Variants in DNM3 observed in about 807,000 individuals in gnomAD.
The protein encoded by DNM3 is dynamin-3.
DNM3 carries 47 observed loss-of-function variants against 101.6 expected under a neutral mutation model. The ratio of observed to expected loss-of-function variants is 0.46; its 90% CI spans 0.37 to 0.59. The LOEUF is 0.59. Among genes scored for constraint, DNM3 ranks in the 20% least tolerant of loss-of-function variants. The pLI is 0.00. For synonymous variants in DNM3, 385 were observed against 387.9 expected, an observed-to-expected ratio of 0.99 and a Z score of 0.09; for missense variants, 849 against 1,085.7, an observed-to-expected ratio of 0.78 and a Z score of 3.06.
intron 17 of DNM3, among the ~76,000 whole-genome samples, chr1:172,377,957 A>G (rs2068699155): frequency 1.3e-5 from 2 of 152,046 alleles, no homozygotes; most frequent in Admixed American, 1.3e-4. Context: ...CAGTAAAGCT[A>G]TTTAGCACAG....
intron 11 of DNM3, among the ~76,000 whole-genome samples, chr1:172,072,436 G>T (rs1404087460): frequency 1.3e-5 from 2 of 152,090 alleles, no homozygotes; most frequent in Admixed American, 6.5e-5. Context: ...AGGTCCCCTT[G>T]TGACTCTCAG....
At chr1:172,338,741 G>T (rs745564775) in intron 17 of DNM3, 2 of 441,968 alleles carry the variant, frequency 4.5e-6, no homozygotes, top group Non-Finnish European at 9.1e-6. Context: ...TTTGTTCAAA[G>T]AAGTCATTAC....
chr1:172,078,983 A>G (rs1487016683), intron 11 of DNM3, among the ~76,000 whole-genome samples: 1 of 152,200 alleles, frequency 6.6e-6, no homozygotes, highest in Non-Finnish European at 1.5e-5. Context: ...CTGCAGATAT[A>G]TCCGCTGTTA....
intron 17 of DNM3, among the ~76,000 whole-genome samples, chr1:172,336,657 CCTT>C (rs2066443993): frequency 6.6e-6 from 1 of 151,262 alleles, no homozygotes; most frequent in Non-Finnish European, 1.5e-5. Flanking sequence ...TTTTCTTTTA[CCTT>C]CTTATTTAAT....
chr1:172,047,406 A>G (rs1324582870), intron 9 of DNM3, among the ~76,000 whole-genome samples: 2 of 152,196 alleles, frequency 1.3e-5, no homozygotes, highest in African/African-American at 2.4e-5. Context: ...TGGGCTTTAA[A>G]GCACAGGTGG....
intron 1 of DNM3, among the ~76,000 whole-genome samples, chr1:171,913,082 C>A (rs1478737262): frequency 2.0e-5 from 3 of 152,160 alleles, no homozygotes; most frequent in Admixed American, 6.5e-5. Context: ...GGGGAGAACA[C>A]TTAGTATTTG....
chr1:171,911,041 G>A (rs1032883272), intron 1 of DNM3, among the ~76,000 whole-genome samples: 7 of 152,038 alleles, frequency 4.6e-5, no homozygotes, highest in Admixed American at 2.6e-4. Context: ...GGAGCCAGCT[G>A]TTCTGGGAAT....
Position 172,389,073 on chromosome 1 carries a change from G to A in DNM3, c.2522+264G>A, listed in dbSNP as rs529273441. On this transcript the variant is annotated intron_variant, in intron 20 of 20. Transcript: ENST00000627582. The stretch of plus-strand genomic sequence containing the variant: ...ACTCCGTCCCAATGAATGACATTTT[G>A]GCAGCTATTGGGAGAATTTGAGGGC... 8.9e-4 allele frequency: 437 copies of A among 488,732 alleles called. 2 individuals carry two copies. The South Asian group carries it at 0.01, about 11-fold the overall frequency. 30.3% of individuals were successfully genotyped at this position (488,732 alleles called of 1,614,324 possible). A position where few individuals can be genotyped will look rare whatever the true frequency, so the allele number is the denominator to read the frequency against.
chr1:172,081,672 T>A (rs2053159488), intron 11 of DNM3, among the ~76,000 whole-genome samples, 160 bp from the exon 12 acceptor site: 1 of 152,208 alleles, frequency 6.6e-6, no homozygotes, highest in African/African-American at 2.4e-5. Context: ...GAGTGCAAAA[T>A]TATGAGTCTA....
At chr1:172,388,912 C>A in intron 20 of DNM3, 103 bp downstream of exon 20, 1 of 1,016,982 alleles carries the variant, frequency 9.8e-7, no homozygotes, top group Non-Finnish European at 1.4e-6. Flanking sequence ...AAGATCTTAT[C>A]GTACGTGTTT....
chr1:172,169,049 T>C lies in DNM3; in HGVS notation c.1659+37761T>C, dbSNP rs182341281. ...AAAATAGTAGTAGTCTTTGGATATA[T>C]ACATTAGCTTTTTTCTTTTGAGCGC... On this transcript the variant is annotated intron_variant, in intron 14 of 20. Coordinates refer to ENST00000627582, the MANE Select transcript of DNM3 (RefSeq NM_015569.5). 7.2e-4 allele frequency among the ~76,000 whole-genome samples: 109 copies of C among 152,060 alleles called. No homozygotes were observed. The East Asian group carries it at 0.014, about 20-fold the overall frequency.
chr1:172,288,310 G>A (rs940173383), intron 15 of DNM3, among the ~76,000 whole-genome samples: 1 of 152,330 alleles, frequency 6.6e-6, no homozygotes. Flanking sequence ...GGGAGAAGGG[G>A]AGATTGTTCC....
At chr1:172,096,028 A>G (rs1367806357) in intron 13 of DNM3, among the ~76,000 whole-genome samples, 1 of 152,174 alleles carries the variant, frequency 6.6e-6, no homozygotes, top group African/African-American at 2.4e-5. Flanking sequence ...CAGGAAGCCC[A>G]CAGCTCAGCG....
intron 1 of DNM3, among the ~76,000 whole-genome samples, chr1:171,884,966 C>T (rs1363554478): frequency 6.6e-6 from 1 of 152,162 alleles, no homozygotes; most frequent in Non-Finnish European, 1.5e-5. Context: ...TCCTTGATGT[C>T]AGGGTTACAT....
In DNM3 at chr1:172,409,390, A is replaced by C. The variant is rs1486993461; in HGVS notation, c.*1549A>C. ...AAGTATAAAGTAAAAACTTTTAACC[A>C]TTATTAAACAGAGAACTTGCCATGT... On this transcript the variant is annotated 3_prime_UTR_variant, in exon 21 of 21. Coordinates refer to ENST00000627582, the MANE Select transcript of DNM3 (RefSeq NM_015569.5). The C allele has an allele frequency of 5.1e-6, 5 of 984,996 alleles. No individual in the cohort carries two copies. Among genetic ancestry groups the C allele is most frequent in the Non-Finnish European group, 6.0e-6 (5 of 829,636 alleles). 61.0% of individuals were successfully genotyped at this position (984,996 alleles called of 1,614,324 possible).
chr1:172,271,591 AT>A (rs1213227253), intron 15 of DNM3, among the ~76,000 whole-genome samples: 3 of 152,140 alleles, frequency 2.0e-5, no homozygotes, highest in African/African-American at 7.2e-5. Context: ...ATGGAAGAGT[AT>A]TTTAATAGCC....
intron 10 of DNM3, among the ~76,000 whole-genome samples, chr1:172,055,332 T>C (rs1234952210): frequency 2.0e-5 from 3 of 152,160 alleles, no homozygotes; most frequent in Non-Finnish European, 2.9e-5. Context: ...CCATTGCTTC[T>C]TTCAGGCCTC....
Position 172,026,565 on chromosome 1 carries a change from G to A in DNM3, c.590-5837G>A, listed in dbSNP as rs539667380. 5.3e-5 allele frequency among the ~76,000 whole-genome samples: 8 copies of A among 152,098 alleles called. No individual in the cohort carries two copies. In the South Asian group the frequency reaches 1.0e-3, roughly 20 times the overall value. ...TTAAGGGTAGCCAGAGAGAAAGATC[G>A]GGTTACACAGAAAAGAGGCCCATCA... is the stretch of plus-strand genomic sequence containing the variant. On this transcript the variant is annotated intron_variant, in intron 4 of 20. Coordinates refer to ENST00000627582, the MANE Select transcript of DNM3 (RefSeq NM_015569.5).
intron 13 of DNM3, among the ~76,000 whole-genome samples, chr1:172,101,619 A>G (rs951056632): frequency 7.2e-5 from 11 of 152,162 alleles, no homozygotes; most frequent in African/African-American, 2.4e-4. Context: ...TGAGGTAGGT[A>G]CCCCTATTAT....
Sources: gnomAD v4.1 joint callset for allele counts (sites outside exome capture counted in the v4.1 genomes callset) on GRCh38, gnomAD v4.1.1 for gene constraint, MANE v1.5 for transcripts, NCBI Gene and HGNC (gene_info 2026-07-23, HGNC 2026-07-21) for gene names.